TECPR1: variants seen among roughly 807,000 people sequenced by gnomAD.
TECPR1 encodes the protein tectonin beta-propeller repeat-containing protein 1.
TECPR1 carries 122 observed loss-of-function variants against 162.4 expected under a neutral mutation model. The observed-to-expected ratio is 0.75, with a 90% CI of 0.65 to 0.87. TECPR1 has a LOEUF of 0.87. TECPR1 is among the 40% of genes least tolerant of loss of function. The pLI is 0.00. For synonymous variants in TECPR1, 642 were observed against 670.6 expected (o/e 0.96, Z 0.66); for missense variants, 1,432 against 1,618.2 (o/e 0.88, Z 1.97).
chr7:98,243,406 G>A (rs1798820488), intron 6 of TECPR1, 61 bp downstream of exon 6: 2 of 1,602,222 alleles, frequency 1.2e-6, no homozygotes, highest in Admixed American at 3.4e-5. Context: ...GGGTGCACAG[G>A]ACAGGACCCA....
At chr7:98,226,366 A>T (rs1798279446) in intron 17 of TECPR1, 10 of 829,204 alleles carry the variant, frequency 1.2e-5, no homozygotes, top group Non-Finnish European at 1.5e-5. Context: ...AAATGGTTCC[A>T]TAGGACGCTG....
rs558336791 is a variant in TECPR1, at chr7:98,216,590, T to C, written c.*800A>G. The C allele has an allele frequency of 6.8e-6, 1 of 146,122 alleles. No homozygotes were observed. The highest frequency in any genetic ancestry group is 2.1e-4 in the East Asian group (1 of 4,852). The allele number at this position is 146,122 out of a possible 1,614,324, so 9.1% of individuals were successfully genotyped here. On this transcript the variant is annotated 3_prime_UTR_variant, in exon 26 of 26. Transcript: ENST00000447648. Reference sequence around the variant, plus strand: ...TTTTTTTTTTTTTTGAGATGGAGTCTCTGTCGCCCAGGCTGGAGTGCAGTG... The same window carrying C: ...TTTTTTTTTTTTTTGAGATGGAGTCCCTGTCGCCCAGGCTGGAGTGCAGTG...
At chr7:98,218,084 C>A in intron 23 of TECPR1, 42 bp from the exon 24 acceptor site, 1 of 1,497,650 alleles carries the variant, frequency 6.7e-7, no homozygotes, top group South Asian at 1.2e-5. Flanking sequence ...AAGACCTTCC[C>A]GGCCCCTCCT....
chr7:98,245,486 G>A (rs1798882362), intron 3 of TECPR1, among the ~76,000 whole-genome samples: 1 of 152,146 alleles, frequency 6.6e-6, no homozygotes, highest in South Asian at 2.1e-4. Context: ...GGGGCGGGGT[G>A]CAGGGGGACA....
At position 98,217,972 on chromosome 7, in the gene TECPR1, G is replaced by A; in HGVS notation, c.3228C>T (p.Asn1076=). The A allele has an allele frequency of 6.4e-7, 1 of 1,563,278 alleles. No individual in the cohort carries two copies. Among genetic ancestry groups the A allele is most frequent in the East Asian group, 2.4e-5 (1 of 41,878 alleles). ...GCCCCACGGACACTCGGCACACGTTGTTGGACACGTGCTCCCAGCTGGAGC... is the reference window on the plus strand; with the variant it reads ...GCCCCACGGACACTCGGCACACGTTATTGGACACGTGCTCCCAGCTGGAGC... ...PQGSSWEHVS[N]NVCRVSVGPL... The change falls in exon 24 of 26, where the codon AAC becomes AAT. Residue 1076 remains asparagine, a synonymous_variant. Transcript: ENST00000447648.
chr7:98,230,875 C>T, intron 15 of TECPR1, 86 bp downstream of exon 15: 1 of 1,510,630 alleles, frequency 6.6e-7, no homozygotes, highest in Non-Finnish European at 8.9e-7. Flanking sequence ...CCTGCGTGGA[C>T]TCCAGTCCTC....
chr7:98,222,639 C>T (rs758483107), intron 21 of TECPR1, 118 bp from the exon 22 acceptor site: 165 of 1,280,810 alleles, frequency 1.3e-4, no homozygotes, highest in Admixed American at 1.8e-4. Flanking sequence ...GGGGGACAGC[C>T]GGGAGTCACA....
chr7:98,237,991 C>T (rs1487688245), intron 9 of TECPR1, among the ~76,000 whole-genome samples: 1 of 152,116 alleles, frequency 6.6e-6, no homozygotes, highest in East Asian at 1.9e-4. Context: ...AGGCTGGTCT[C>T]AAACTCCTAG....
Position 98,222,435 on chromosome 7 carries a change from C to T in TECPR1, c.3015G>A (p.Arg1005=), listed in dbSNP as rs1336670746. ...GACYQVWAVA[R]DGSAFYRGSV... ...ATCCCCGGTAGAAGGCGGAGCCGTC[C>T]CTTGCCACGGCCCACACCTGGTAGC... The change falls in exon 22 of 26, where the codon AGG becomes AGA. Residue 1005 remains arginine, a synonymous_variant. Coordinates refer to ENST00000447648, the MANE Select transcript of TECPR1 (RefSeq NM_015395.3). 1.7e-5 allele frequency: 27 copies of T among 1,595,922 alleles called. 1 individual carries two copies. The Admixed American group carries it at 4.7e-4, about 28-fold the overall frequency.
chr7:98,216,039 A>C lies in TECPR1; in HGVS notation c.*1351T>G, dbSNP rs1450262305. 2.0e-5 allele frequency: 3 copies of C among 152,254 alleles called. No individual in the cohort carries two copies. Among genetic ancestry groups the C allele is most frequent in the African/African-American group, 7.2e-5 (3 of 41,448 alleles). 9.4% of individuals were successfully genotyped at this position (152,254 alleles called of 1,614,324 possible). ...GGTGAAGTCATCCCCTCTCCAACCG[A>C]GCAGAGCCTGGGGTTGGGCTCTGAT... On this transcript the variant is annotated 3_prime_UTR_variant, in exon 26 of 26. Coordinates refer to ENST00000447648, the MANE Select transcript of TECPR1 (RefSeq NM_015395.3).
chr7:98,239,536 C>T (rs968068799), intron 8 of TECPR1, among the ~76,000 whole-genome samples: 2 of 152,012 alleles, frequency 1.3e-5, no homozygotes, highest in African/African-American at 4.8e-5. Flanking sequence ...GCCTGGGTGA[C>T]GGAACGAGAC....
Position 98,233,375 on chromosome 7 carries a change from G to C in TECPR1, c.1672+46C>G, listed in dbSNP as rs1468746856. ...CTCCTCCCACACCCCACACCCCCAG[G>C]GCACCTGGCCATGTGGATGCCCCCA... On this transcript the variant is annotated intron_variant, in intron 11 of 25. Coordinates refer to ENST00000447648, the MANE Select transcript of TECPR1 (RefSeq NM_015395.3). 40 of 1,412,688 alleles carry C rather than the reference G, an allele frequency of 2.8e-5. No individual in the cohort carries two copies. Among genetic ancestry groups the C allele is most frequent in the Non-Finnish European group, 3.1e-5 (34 of 1,081,954 alleles). The allele number at this position is 1,412,688 out of a possible 1,614,324, so 87.5% of individuals were successfully genotyped here. A position where few individuals can be genotyped will look rare whatever the true frequency, so the allele number is the denominator to read the frequency against.
chr7:98,218,695 C>A (rs1485413832), intron 23 of TECPR1, among the ~76,000 whole-genome samples: 1 of 152,180 alleles, frequency 6.6e-6, no homozygotes, highest in Non-Finnish European at 1.5e-5. Flanking sequence ...AACTACAAAA[C>A]ACTGCTGAAA....
At position 98,217,225 on chromosome 7, in the gene TECPR1, C is replaced by T. The variant is rs1336591785; in HGVS notation, c.*165G>A. ...TCCGCGGAGCTTCACATTTCAGGGC[C>T]GTCTCAGCCAGTGCCTCTGAAGTGG... On this transcript the variant is annotated 3_prime_UTR_variant, in exon 26 of 26. Transcript: ENST00000447648. 1.5e-5 allele frequency: 9 copies of T among 592,510 alleles called. No homozygotes were observed. Among genetic ancestry groups the T allele is most frequent in the Admixed American group, 3.1e-5 (1 of 32,556 alleles). 36.7% of individuals were successfully genotyped at this position (592,510 alleles called of 1,614,324 possible). A position where few individuals can be genotyped will look rare whatever the true frequency, so the allele number is the denominator to read the frequency against.
intron 6 of TECPR1, among the ~76,000 whole-genome samples, chr7:98,242,307 C>T (rs541348735): frequency 2.0e-5 from 3 of 152,232 alleles, no homozygotes; most frequent in Admixed American, 6.5e-5. Flanking sequence ...TCAGGACCCT[C>T]GGGGCCTCTG....
chr7:98,246,203 A>G, intron 2 of TECPR1, 38 bp from the exon 3 acceptor site: 1 of 1,350,960 alleles, frequency 7.4e-7, no homozygotes, highest in Non-Finnish European at 1.0e-6. Flanking sequence ...TCAGGCTCCC[A>G]GCCCAGGGGA....
intron 11 of TECPR1, 192 bp downstream of exon 11, chr7:98,233,229 C>T (rs1055802852): frequency 4.5e-6 from 4 of 887,572 alleles, no homozygotes; most frequent in African/African-American, 3.4e-5. Context: ...CTTCCAGGTC[C>T]TGACAGCCTC....
rs772693073 is a variant in TECPR1, at chr7:98,222,495, G to C, written c.2955C>G (p.Thr985=). The C allele has an allele frequency of 6.9e-6, 11 of 1,590,242 alleles. No individual in the cohort carries two copies. Among genetic ancestry groups the C allele is most frequent in the Non-Finnish European group, 9.4e-6 (11 of 1,169,752 alleles). The change falls in exon 22 of 26, where the codon ACC becomes ACG. Residue 985 remains threonine, a synonymous_variant. Coordinates refer to ENST00000447648, the MANE Select transcript of TECPR1 (RefSeq NM_015395.3). ...PAGSSWLHVG[T]DQPFASISIG... is the part of the protein sequence containing the mutation. ...TGGAGATGGAGGCGAAGGGCTGGTC[G>C]GTGCCAACGTGCAGCCAGGAGGAGC...
intron 21 of TECPR1, 139 bp from the exon 22 acceptor site, chr7:98,222,660 C>A: frequency 9.3e-7 from 1 of 1,074,776 alleles, no homozygotes; most frequent in South Asian, 1.6e-5. Flanking sequence ...CAGCCCCACC[C>A]GGCCTGATCT....
Sources: gnomAD v4.1 joint callset for allele counts (sites outside exome capture counted in the v4.1 genomes callset) on GRCh38, gnomAD v4.1.1 for gene constraint, MANE v1.5 for transcripts, NCBI Gene and HGNC (gene_info 2026-07-23, HGNC 2026-07-21) for gene names.